The following CDK5RAP2 variants were observed in gnomAD, a reference collection of about 807,000 sequenced individuals.
CDK5RAP2 encodes CDK5 regulatory subunit-associated protein 2.
Under a neutral mutation model 232.9 loss-of-function variants are expected in CDK5RAP2, and 147 were observed. That is an observed-to-expected ratio of 0.63 (90% confidence interval 0.55 to 0.72). The LOEUF is 0.72. CDK5RAP2 is among the 30% of genes least tolerant of loss of function. The probability of loss-of-function intolerance (pLI) is 0.00; values close to 1 mark genes in which losing one functional copy is unlikely to be tolerated. For synonymous variants in CDK5RAP2, 833 were observed against 833.7 expected (o/e 1.00, Z 0.01); for missense variants, 2,195 against 2,231.5 (o/e 0.98, Z 0.33).
Position 120,407,052 on chromosome 9 carries a change from G to A in CDK5RAP2, c.4923C>T (p.Ala1641=), listed in dbSNP as rs150186059. The change falls in exon 32 of 38, where the codon GCC becomes GCT. Residue 1641 remains alanine, a synonymous_variant. Coordinates refer to ENST00000349780, the MANE Select transcript of CDK5RAP2 (RefSeq NM_018249.6). The part of the protein sequence containing the change: ...QEGALTLAVQ[A]VSIPEVPLQP... ...GAAGGGGCACCTCAGGGATGGACAC[G>A]GCTTGGACAGCCAGAGTGAGGGCTC... The A allele has an allele frequency of 4.5e-5, 73 of 1,614,148 alleles. No individual in the cohort carries two copies. In the African/African-American group the frequency reaches 4.5e-4, roughly 10 times the overall value.
At chr9:120,432,018 T>C (rs1279339260) in intron 25 of CDK5RAP2, among the ~76,000 whole-genome samples, 1 of 152,182 alleles carries the variant, frequency 6.6e-6, no homozygotes, top group Non-Finnish European at 1.5e-5. Context: ...AGAGTCCCCT[T>C]ATAAGCATTA....
Position 120,467,883 on chromosome 9 carries a change from G to A in CDK5RAP2, c.2083C>T (p.Leu695Phe). The A allele has an allele frequency of 6.2e-7, 1 of 1,614,148 alleles. No homozygotes were observed. The highest frequency in any genetic ancestry group is 8.5e-7 in the Non-Finnish European group (1 of 1,179,996). Residue 695 changes from leucine (L) to phenylalanine (F), a missense_variant, in exon 18 of 38, where the codon CTT (leucine) becomes TTT (phenylalanine). By Grantham distance (22) the Leu-to-Phe change is conservative (BLOSUM62 0). Coordinates refer to ENST00000349780, the MANE Select transcript of CDK5RAP2 (RefSeq NM_018249.6). Reference sequence around the variant, plus strand: ...ACCTCTGTTTGTTCTGTAGACGCAAGTCTATCTGGAAACCCATTTCCCTGG... The same window carrying A: ...ACCTCTGTTTGTTCTGTAGACGCAAATCTATCTGGAAACCCATTTCCCTGG... ...GFQGNGFPDR[L>F]ASTEQTELLA...
intron 3 of CDK5RAP2, among the ~76,000 whole-genome samples, chr9:120,553,378 T>G (rs2042115076): frequency 6.6e-6 from 1 of 152,212 alleles, no homozygotes; most frequent in African/African-American, 2.4e-5. Context: ...CCTAGTATGC[T>G]TCTATCACCA....
chr9:120,565,893 A>G (rs1301387179), intron 3 of CDK5RAP2, among the ~76,000 whole-genome samples: 2 of 152,118 alleles, frequency 1.3e-5, no homozygotes, highest in Non-Finnish European at 2.9e-5. Flanking sequence ...GGACAGGGGG[A>G]CTTACCTGGT....
chr9:120,538,737 ATAGT>A (rs1372088393), intron 6 of CDK5RAP2, among the ~76,000 whole-genome samples: 2 of 152,232 alleles, frequency 1.3e-5, no homozygotes, highest in Non-Finnish European at 2.9e-5. Flanking sequence ...TAAAATCCGC[ATAGT>A]TAAACCCAGG....
At chr9:120,536,281 G>A in intron 7 of CDK5RAP2, 91 bp downstream of exon 7, 2 of 1,398,226 alleles carry the variant, frequency 1.4e-6, no homozygotes, top group Admixed American at 1.7e-5. Flanking sequence ...ATGGGGAGAA[G>A]GGAGGGATAA....
chr9:120,568,782 T>TA (rs2042740878), intron 2 of CDK5RAP2, among the ~76,000 whole-genome samples: 1 of 152,122 alleles, frequency 6.6e-6, no homozygotes, highest in South Asian at 2.1e-4. Flanking sequence ...AACTTTTTCT[T>TA]AAAACGCCAG....
chr9:120,498,527 G>A (rs764216464), intron 12 of CDK5RAP2, among the ~76,000 whole-genome samples: 2 of 152,172 alleles, frequency 1.3e-5, no homozygotes, highest in African/African-American at 2.4e-5. Flanking sequence ...GGTCACTCAT[G>A]GGAAAACTGG....
At chr9:120,484,256 CT>C (rs2038474598) in intron 14 of CDK5RAP2, among the ~76,000 whole-genome samples, 1 of 152,158 alleles carries the variant, frequency 6.6e-6, no homozygotes, top group South Asian at 2.1e-4. Context: ...TTCACATTTT[CT>C]ACAAAGAAAG....
intron 20 of CDK5RAP2, among the ~76,000 whole-genome samples, chr9:120,457,648 A>G (rs1192926717): frequency 1.3e-5 from 2 of 152,260 alleles, no homozygotes; most frequent in African/African-American, 4.8e-5. Flanking sequence ...TCCATCAATG[A>G]TAGAAGAAAT....
At chr9:120,490,003 C>T (rs1302717273) in intron 13 of CDK5RAP2, among the ~76,000 whole-genome samples, 1 of 152,156 alleles carries the variant, frequency 6.6e-6, no homozygotes, top group Non-Finnish European at 1.5e-5. Flanking sequence ...GACGGAGTTT[C>T]TCCATGTTGG....
chr9:120,473,778 G>T (rs573145771), intron 15 of CDK5RAP2, among the ~76,000 whole-genome samples: 2 of 152,232 alleles, frequency 1.3e-5, no homozygotes, highest in African/African-American at 4.8e-5. Flanking sequence ...GAGAAAAAAA[G>T]AGACTGTTTT....
intron 11 of CDK5RAP2, among the ~76,000 whole-genome samples, chr9:120,523,610 G>C (rs1047375568): frequency 1.1e-4 from 17 of 152,194 alleles, no homozygotes; most frequent in African/African-American, 3.9e-4. Flanking sequence ...CAAAAGATAA[G>C]TCATGGGATA....
intron 12 of CDK5RAP2, among the ~76,000 whole-genome samples, chr9:120,512,785 CT>C (rs2040156598): frequency 6.6e-6 from 1 of 152,206 alleles, no homozygotes; most frequent in African/African-American, 2.4e-5. Flanking sequence ...ACAGATTAAT[CT>C]GTAAAATGGG....
At chr9:120,523,474 C>T (rs1212690716) in intron 11 of CDK5RAP2, among the ~76,000 whole-genome samples, 2 of 152,192 alleles carry the variant, frequency 1.3e-5, no homozygotes, top group South Asian at 4.1e-4. Context: ...ATTTCATCAA[C>T]CACTGTCAAA....
At chr9:120,520,367 C>T (rs1007085057) in intron 11 of CDK5RAP2, among the ~76,000 whole-genome samples, 5 of 151,994 alleles carry the variant, frequency 3.3e-5, no homozygotes, top group Non-Finnish European at 5.9e-5. Flanking sequence ...TCAGGCTGGG[C>T]GTGATGGCTC....
At chr9:120,502,073 C>T (rs149292571) in intron 12 of CDK5RAP2, among the ~76,000 whole-genome samples, 92 of 152,264 alleles carry the variant, frequency 6.0e-4, no homozygotes, top group South Asian at 5.6e-3. Flanking sequence ...CTTCTCAGTT[C>T]GCCTCCACAC....
At chr9:120,417,825 T>C (rs752051052) in intron 27 of CDK5RAP2, among the ~76,000 whole-genome samples, 3 of 151,920 alleles carry the variant, frequency 2.0e-5, no homozygotes, top group Non-Finnish European at 4.4e-5. Flanking sequence ...TGCCTAGCAG[T>C]TCCAATTTAT....
intron 35 of CDK5RAP2, 105 bp downstream of exon 35, chr9:120,400,637 C>G: frequency 7.0e-7 from 1 of 1,426,120 alleles, no homozygotes; most frequent in Non-Finnish European, 9.8e-7. Flanking sequence ...ATACATACCC[C>G]AAATGGTGGG....
Sources: gnomAD v4.1 joint callset for allele counts (sites outside exome capture counted in the v4.1 genomes callset) on GRCh38, gnomAD v4.1.1 for gene constraint, MANE v1.5 for transcripts, NCBI Gene and HGNC (gene_info 2026-07-23, HGNC 2026-07-21) for gene names.